The following PCDH11X variants were observed in gnomAD, a reference collection of about 807,000 sequenced individuals.
PCDH11X encodes protocadherin 11 X-linked, also known as protocadherin-11 X-linked.
A neutral mutation model predicts 53.3 loss-of-function variants in PCDH11X; 18 were observed. That is an observed-to-expected ratio of 0.34 (90% CI 0.23 to 0.50). The LOEUF is 0.50. Among genes scored for constraint, PCDH11X ranks in the 20% least tolerant of loss-of-function variants. The probability of loss-of-function intolerance (pLI) is 0.98; values close to 1 mark genes in which losing one functional copy is unlikely to be tolerated. For missense variants in PCDH11X, 570 were observed against 1,032.4 expected (o/e 0.55, Z 6.14); for synonymous variants, 279 against 393.3 (o/e 0.71, Z 3.44).
In PCDH11X at chrX:91,957,324, G is replaced by A. The variant is rs1457948387; in HGVS notation, c.3033+78051G>A. ...TGGAGAGGTGTTGTGGTCTTTTGGA[G>A]GAGAAGAAGCACTCTGGCTTTTTGA... is the stretch of plus-strand genomic sequence containing the variant. On this transcript the variant is annotated intron_variant, in intron 6 of 10. Transcript: ENST00000682573. 5.4e-5 allele frequency among the ~76,000 whole-genome samples: 6 copies of A among 110,807 alleles called. No homozygotes were observed. In the Admixed American group the frequency reaches 5.8e-4, roughly 11 times the overall value.
At chrX:92,452,483 A>G (rs1426959098) in intron 9 of PCDH11X, among the ~76,000 whole-genome samples, 2 of 67,107 alleles carry the variant, frequency 3.0e-5, no homozygotes, top group African/African-American at 7.5e-5. Flanking sequence ...ATATATATAT[A>G]TATATATATA....
intron 9 of PCDH11X, among the ~76,000 whole-genome samples, chrX:92,433,656 G>A (rs1378429141): frequency 9.1e-6 from 1 of 110,485 alleles, no homozygotes; most frequent in African/African-American, 3.3e-5. Context: ...ACATGAGGTT[G>A]GAATCAGTCC....
intron 10 of PCDH11X, among the ~76,000 whole-genome samples, chrX:92,532,564 T>G: frequency 1.8e-5 from 2 of 109,443 alleles, no homozygotes; most frequent in Non-Finnish European, 3.8e-5. Flanking sequence ...ATGCTTACCT[T>G]TGGAAGCAGT....
At chrX:91,861,867 C>A (rs112680998) in intron 5 of PCDH11X, among the ~76,000 whole-genome samples, 5 of 111,227 alleles carry the variant, frequency 4.5e-5, no homozygotes, top group African/African-American at 9.9e-5. Context: ...ATCACTCCAC[C>A]GTGCTTTTCT....
chrX:91,918,228 CATTATTATTT>C (rs1941635166), intron 6 of PCDH11X, among the ~76,000 whole-genome samples: 1 of 110,327 alleles, frequency 9.1e-6, no homozygotes, highest in Non-Finnish European at 1.9e-5. Context: ...TAGAGTCTCG[CATTATTATTT>C]ATTATTATTT....
chrX:92,421,744 C>G (rs1210396827), intron 9 of PCDH11X, among the ~76,000 whole-genome samples: 6 of 111,843 alleles, frequency 5.4e-5, no homozygotes, highest in African/African-American at 1.6e-4. Context: ...GTAACTCTTC[C>G]CTCTTCTCCA....
intron 8 of PCDH11X, among the ~76,000 whole-genome samples, chrX:92,385,482 T>TA (rs1218680867): frequency 9.7e-6 from 1 of 103,220 alleles, no homozygotes; most frequent in Non-Finnish European, 2.0e-5. Flanking sequence ...TTTAATCAGA[T>TA]AATACAGTCA....
Position 92,235,304 on chromosome X carries a change from T to G in PCDH11X, c.3115-27810T>G, listed in dbSNP as rs986667928. On this transcript the variant is annotated intron_variant, in intron 7 of 10. Transcript: ENST00000682573. ...TGCATGATTGGGTTGCACTGAATTA[T>G]AGCTGTCAGGTCTGGGTTATGATTT... is the stretch of plus-strand genomic sequence containing the variant. 1.2e-4 allele frequency among the ~76,000 whole-genome samples: 13 copies of G among 111,381 alleles called. No homozygotes were observed. In the South Asian group the frequency reaches 1.5e-3, roughly 13 times the overall value.
chrX:92,276,894 G>A (rs373553704), intron 8 of PCDH11X, among the ~76,000 whole-genome samples: 8 of 111,361 alleles, frequency 7.2e-5, no homozygotes, highest in African/African-American at 1.3e-4. Flanking sequence ...GAGCCTAAAC[G>A]CTATCTGATT....
chrX:91,962,412 A>T (rs2061800718), intron 6 of PCDH11X, among the ~76,000 whole-genome samples: 1 of 112,732 alleles, frequency 8.9e-6, no homozygotes, highest in African/African-American at 3.2e-5. Flanking sequence ...ATGATCTTTG[A>T]ATCCAAGTCT....
chrX:91,805,094 A>G (rs1193584955), intron 1 of PCDH11X, among the ~76,000 whole-genome samples: 1 of 104,908 alleles, frequency 9.5e-6, no homozygotes, highest in African/African-American at 3.4e-5. Context: ...AAGGATAATG[A>G]TCAGATTTAA....
chrX:92,104,148 G>C (rs2064322956), intron 6 of PCDH11X, among the ~76,000 whole-genome samples: 1 of 111,014 alleles, frequency 9.0e-6, no homozygotes, highest in Non-Finnish European at 1.9e-5. Flanking sequence ...AGAATAAATT[G>C]CTGGGCAGGT....
At position 91,953,916 on chromosome X, in the gene PCDH11X, C is replaced by T. The variant is rs772306627; in HGVS notation, c.3033+74643C>T. Among the ~76,000 whole-genome samples, 13 of 109,220 alleles carry T rather than the reference C, an allele frequency of 1.2e-4. No homozygotes were observed. The South Asian group carries it at 3.3e-3, about 28-fold the overall frequency. 94.8% of individuals were successfully genotyped at this position (109,220 alleles called of 115,157 possible). ...ATGACAACATAATAGTAAAGTTGAC[C>T]GTATTATGAACATTAGTTCACAATC... On this transcript the variant is annotated intron_variant, in intron 6 of 10. Transcript: ENST00000682573.
intron 4 of PCDH11X, among the ~76,000 whole-genome samples, chrX:91,824,899 G>A (rs1044159366): frequency 9.3e-6 from 1 of 107,104 alleles, no homozygotes; most frequent in South Asian, 3.9e-4. Context: ...TAACAGACAG[G>A]ACCCTCAGCT....
chrX:92,363,589 G>T (rs2070395660), intron 8 of PCDH11X, among the ~76,000 whole-genome samples: 1 of 107,520 alleles, frequency 9.3e-6, no homozygotes. Context: ...CTAATATCAT[G>T]CCATCTAAAA....
intron 8 of PCDH11X, among the ~76,000 whole-genome samples, chrX:92,318,151 C>T (rs2069121121): frequency 9.0e-6 from 1 of 111,290 alleles, no homozygotes; most frequent in Non-Finnish European, 1.9e-5. Flanking sequence ...GGAAAAAATA[C>T]CTCTTTGAAT....
At chrX:92,486,166 T>C (rs2073637249) in intron 10 of PCDH11X, among the ~76,000 whole-genome samples, 3 of 110,900 alleles carry the variant, frequency 2.7e-5, no homozygotes, top group South Asian at 3.8e-4. Flanking sequence ...GATTCACTGA[T>C]TGAATGGTAC....
At chrX:91,882,404 A>G (rs966330094) in intron 6 of PCDH11X, among the ~76,000 whole-genome samples, 24 of 110,401 alleles carry the variant, frequency 2.2e-4, no homozygotes, top group Non-Finnish European at 4.4e-4. Flanking sequence ...TATAAAAGAG[A>G]TAAACTGCCA....
intron 10 of PCDH11X, among the ~76,000 whole-genome samples, chrX:92,582,317 C>T (rs1368354937): frequency 4.6e-5 from 5 of 107,749 alleles, no homozygotes; most frequent in Non-Finnish European, 9.6e-5. Context: ...CCAGGGTCCC[C>T]CTGTTATGCA....
Sources: gnomAD v4.1 joint callset for allele counts (sites outside exome capture counted in the v4.1 genomes callset) on GRCh38, gnomAD v4.1.1 for gene constraint, MANE v1.5 for transcripts, NCBI Gene and HGNC (gene_info 2026-07-23, HGNC 2026-07-21) for gene names.